Variants in SEMA3A observed in about 807,000 individuals in gnomAD.
SEMA3A encodes the protein semaphorin-3A.
Under a neutral mutation model 97.9 loss-of-function variants are expected in SEMA3A, and 29 were observed. The observed-to-expected ratio is 0.30, with a 90% CI of 0.22 to 0.40. The LOEUF (loss-of-function observed/expected upper bound fraction) is 0.40. Among genes scored for constraint, SEMA3A ranks in the 10% least tolerant of loss-of-function variants. The pLI, the probability that SEMA3A is intolerant of heterozygous loss-of-function variation, is 1.00. For missense variants in SEMA3A, 763 were observed against 951.3 expected, an observed-to-expected ratio of 0.80 and a Z score of 2.60; for synonymous variants, 321 against 323.7, an observed-to-expected ratio of 0.99 and a Z score of 0.09.
intron 1 of SEMA3A, among the ~76,000 whole-genome samples, chr7:84,376,155 A>G (rs1803091429): frequency 6.6e-6 from 1 of 152,212 alleles, no homozygotes. Context: ...AGTAATAAAC[A>G]GGGATGCAGA....
At chr7:84,040,435 C>T (rs560191624) in intron 6 of SEMA3A, among the ~76,000 whole-genome samples, 13 of 152,176 alleles carry the variant, frequency 8.5e-5, no homozygotes, top group African/African-American at 1.2e-4. Flanking sequence ...GCAAGCCACA[C>T]GCAAGTGCAC....
rs1802831465 is a variant in SEMA3A at position 84,365,664 on chromosome 7, C to G, written c.-169+6160G>C. On this transcript the variant is annotated intron_variant, in intron 2 of 3. Coordinates refer to the SEMA3A transcript ENST00000424555. ...TGACTTCTAGTTATTTATTATTCAT[C>G]ATATTAACACTTTTATATTCTTACT... Among the ~76,000 whole-genome samples, 4 of 151,438 alleles carry G rather than the reference C, an allele frequency of 2.6e-5. No homozygotes were observed. In the Admixed American group the frequency reaches 2.6e-4, roughly 10 times the overall value.
chr7:84,306,772 C>T (rs1362583101), intron 3 of SEMA3A, among the ~76,000 whole-genome samples: 8 of 152,090 alleles, frequency 5.3e-5, no homozygotes, highest in Admixed American at 5.2e-4. Flanking sequence ...GTGTGGCACT[C>T]AGCCTTTGAG....
intron 4 of SEMA3A, among the ~76,000 whole-genome samples, chr7:84,085,189 A>T (rs1252856506): frequency 6.6e-6 from 1 of 152,022 alleles, no homozygotes; most frequent in African/African-American, 2.4e-5. Context: ...ATAAGGGTCA[A>T]ACATGAACAT....
intron 15 of SEMA3A, among the ~76,000 whole-genome samples, chr7:83,974,834 G>A (rs1200775023): frequency 6.6e-6 from 1 of 152,046 alleles, no homozygotes; most frequent in African/African-American, 2.4e-5. Context: ...TATTGCTGGA[G>A]GGCTTGCTGG....
At chr7:84,334,112 A>C (rs1056209763) in intron 2 of SEMA3A, among the ~76,000 whole-genome samples, 1 of 152,154 alleles carries the variant, frequency 6.6e-6, no homozygotes, top group Non-Finnish European at 1.5e-5. Flanking sequence ...TCACAAACTA[A>C]ACTTTGATCA....
chr7:84,066,282 G>T (rs1793490886), intron 4 of SEMA3A, among the ~76,000 whole-genome samples: 1 of 151,964 alleles, frequency 6.6e-6, no homozygotes, highest in Non-Finnish European at 1.5e-5. Context: ...AAAATAATAA[G>T]AGCTATCTAT....
Position 84,420,265 on chromosome 7 carries a change from AG to A in SEMA3A, c.-245-48366del, listed in dbSNP as rs553649947. Among the ~76,000 whole-genome samples the A allele has an allele frequency of 6.0e-3, 908 of 152,166 alleles. 10 individuals are homozygous for A. Among genetic ancestry groups the A allele is most frequent in the African/African-American group, 0.02 (846 of 41,566 alleles). On this transcript the variant is annotated intron_variant, in intron 1 of 3. Transcript: ENST00000424555. ...TATAATATAAATAGTTTAAATAAAC[AG>A]TCTTAAATATTCTCAAAGAACTATT...
intron 1 of SEMA3A, among the ~76,000 whole-genome samples, chr7:84,417,176 A>C (rs747924313): frequency 6.6e-6 from 1 of 152,108 alleles, no homozygotes; most frequent in Admixed American, 6.6e-5. Context: ...ATTGTGATTT[A>C]ATACTTAATT....
chr7:84,248,234 T>C (rs1799519661), intron 3 of SEMA3A, among the ~76,000 whole-genome samples: 1 of 152,212 alleles, frequency 6.6e-6, no homozygotes, highest in Non-Finnish European at 1.5e-5. Context: ...CGCTTTCTCT[T>C]CAAATAACTT....
intron 1 of SEMA3A, among the ~76,000 whole-genome samples, chr7:84,398,885 G>A (rs1427321478): frequency 2.6e-5 from 4 of 152,040 alleles, no homozygotes; most frequent in African/African-American, 9.7e-5. Flanking sequence ...TGGCCTAGTA[G>A]AACCCTCCAG....
At chr7:84,005,310 A>C in intron 11 of SEMA3A, 29 bp downstream of exon 11, 2 of 1,531,890 alleles carry the variant, frequency 1.3e-6, no homozygotes, top group Non-Finnish European at 9.0e-7. Context: ...GTTCGGAAAA[A>C]AGTTTACAGC....
chr7:84,350,847 C>T (rs1317225458), intron 2 of SEMA3A, among the ~76,000 whole-genome samples: 1 of 152,056 alleles, frequency 6.6e-6, no homozygotes. Flanking sequence ...TCCAAAGCTT[C>T]TTCATGTAAC....
chr7:84,124,449 C>T (rs1384926849), intron 3 of SEMA3A, among the ~76,000 whole-genome samples: 1 of 152,170 alleles, frequency 6.6e-6, no homozygotes, highest in Admixed American at 6.5e-5. Context: ...CTGCCACAGC[C>T]ACTCACATCC....
At chr7:84,325,307 A>G (rs890051823) in intron 2 of SEMA3A, among the ~76,000 whole-genome samples, 1 of 152,258 alleles carries the variant, frequency 6.6e-6, no homozygotes, top group South Asian at 2.1e-4. Flanking sequence ...TCAATCAAAC[A>G]ATCAAATTAT....
At chr7:84,410,331 T>G (rs958279390) in intron 1 of SEMA3A, among the ~76,000 whole-genome samples, 2 of 152,098 alleles carry the variant, frequency 1.3e-5, no homozygotes, top group Non-Finnish European at 1.5e-5. Context: ...GGGGGTCATT[T>G]TCTTCTATAA....
chr7:83,969,813 G>T (rs940103908), intron 15 of SEMA3A, among the ~76,000 whole-genome samples: 1 of 152,052 alleles, frequency 6.6e-6, no homozygotes, highest in African/African-American at 2.4e-5. Flanking sequence ...TCCAAATAGG[G>T]AATAATAAGA....
chr7:84,490,366 C>T (rs562751220), intron 1 of SEMA3A, among the ~76,000 whole-genome samples: 6 of 152,154 alleles, frequency 3.9e-5, no homozygotes, highest in Admixed American at 6.6e-5. Flanking sequence ...TTTTGAGTTA[C>T]GTGTGTATAT....
At chr7:84,243,163 A>G (rs1799405146) in intron 3 of SEMA3A, among the ~76,000 whole-genome samples, 1 of 152,174 alleles carries the variant, frequency 6.6e-6, no homozygotes, top group African/African-American at 2.4e-5. Flanking sequence ...CTGGCCTCAT[A>G]AACTGAGTTA....
Sources: gnomAD v4.1 joint callset for allele counts (sites outside exome capture counted in the v4.1 genomes callset) on GRCh38, gnomAD v4.1.1 for gene constraint, MANE v1.5 for transcripts, NCBI Gene and HGNC (gene_info 2026-07-23, HGNC 2026-07-21) for gene names.